ARID5B: variants seen among roughly 807,000 people sequenced by gnomAD.
ARID5B encodes AT-rich interaction domain 5B, also known as AT-rich interactive domain-containing protein 5B.
ARID5B carries 13 observed loss-of-function variants against 97.2 expected under a neutral mutation model. The observed-to-expected ratio is 0.13, with a 90% CI of 0.09 to 0.21. The LOEUF (loss-of-function observed/expected upper bound fraction) is 0.21, where lower values mean the gene tolerates loss of function less well. Among genes scored for constraint, ARID5B ranks in the 10% least tolerant of loss-of-function variants. The pLI, the probability that ARID5B is intolerant of heterozygous loss-of-function variation, is 1.00. For missense variants in ARID5B, 1,210 were observed against 1,465.3 expected, an observed-to-expected ratio of 0.83 and a Z score of 2.84; for synonymous variants, 556 against 570.3, an observed-to-expected ratio of 0.97 and a Z score of 0.36.
At chr10:62,010,635 T>A (rs2132878974) in intron 4 of ARID5B, among the ~76,000 whole-genome samples, 1 of 152,348 alleles carries the variant, frequency 6.6e-6, no homozygotes, top group South Asian at 2.1e-4. Flanking sequence ...ATTTATCTTT[T>A]CAAACCAAAG....
At chr10:62,067,062 A>G (rs1839998969) in intron 7 of ARID5B, among the ~76,000 whole-genome samples, 1 of 149,798 alleles carries the variant, frequency 6.7e-6, no homozygotes, top group African/African-American at 2.5e-5. Context: ...CTTATTTGTG[A>G]CTCGGTGGTG....
intron 8 of ARID5B, among the ~76,000 whole-genome samples, chr10:62,071,013 C>G: frequency 6.9e-6 from 1 of 144,252 alleles, no homozygotes; most frequent in Admixed American, 7.0e-5. Context: ...ACTTATGAGT[C>G]AAGGCTTCAT....
chr10:62,063,327 T>C (rs187146114), intron 7 of ARID5B, among the ~76,000 whole-genome samples: 2 of 152,320 alleles, frequency 1.3e-5, no homozygotes, highest in African/African-American at 4.8e-5. Flanking sequence ...TGTAGATGTA[T>C]TGCTTCTGCG....
intron 2 of ARID5B, among the ~76,000 whole-genome samples, chr10:61,908,950 A>G (rs527762763): frequency 7.9e-5 from 12 of 152,222 alleles, no homozygotes; most frequent in Admixed American, 4.6e-4. Flanking sequence ...ACGAACTGAG[A>G]TCACTATTTA....
At chr10:61,961,559 G>A (rs1017281944) in intron 3 of ARID5B, among the ~76,000 whole-genome samples, 8 of 152,130 alleles carry the variant, frequency 5.3e-5, no homozygotes, top group African/African-American at 1.2e-4. Context: ...ATAACCCACC[G>A]TGCACCTGCC....
Position 62,092,563 on chromosome 10 carries a change from T to G in ARID5B, c.3100T>G (p.Leu1034Val). The change falls in exon 10 of 10, where the codon TTA (leucine) becomes GTA (valine). Residue 1034 changes from leucine to valine, a missense_variant. Coordinates refer to ENST00000279873, the MANE Select transcript of ARID5B (RefSeq NM_032199.3). ...AGKKARAVSP[L>V]DPSKEVSGKE... ...GAAAAAGGCCCGGGCAGTGTCTCCC[T>G]TAGACCCATCCAAGGAGGTCTCTGG... 2 of 1,614,112 alleles carry G rather than the reference T, an allele frequency of 1.2e-6. No homozygotes were observed. The highest frequency in any genetic ancestry group is 1.7e-6 in the Non-Finnish European group (2 of 1,180,020).
At chr10:61,948,374 T>C (rs868347267) in intron 3 of ARID5B, among the ~76,000 whole-genome samples, 42 of 139,412 alleles carry the variant, frequency 3.0e-4, no homozygotes, top group African/African-American at 1.1e-3. Context: ...GGATACACTT[T>C]AGGTAATTTT....
At chr10:62,050,454 C>G (rs1211800126) in intron 4 of ARID5B, among the ~76,000 whole-genome samples, 1 of 152,176 alleles carries the variant, frequency 6.6e-6, no homozygotes, top group Non-Finnish European at 1.5e-5. Flanking sequence ...GAGATGTTTT[C>G]AAACATTTCA....
At chr10:62,071,030 C>CTTTT (rs565983973) in intron 8 of ARID5B, among the ~76,000 whole-genome samples, 6 of 71,142 alleles carry the variant, frequency 8.4e-5, no homozygotes, top group East Asian at 4.5e-4. Context: ...TCATTCAGAA[C>CTTTT]TTTTTTTTTT....
chr10:61,940,048 A>T (rs1844372409), intron 2 of ARID5B, 135 bp from the exon 3 acceptor site: 1 of 688,538 alleles, frequency 1.5e-6, no homozygotes, highest in Non-Finnish European at 2.5e-6. Flanking sequence ...ATTCTGTGTC[A>T]CCAGAATGCA....
chr10:61,917,464 G>C (rs1187686090), intron 2 of ARID5B, among the ~76,000 whole-genome samples: 1 of 152,124 alleles, frequency 6.6e-6, no homozygotes, highest in African/African-American at 2.4e-5. Flanking sequence ...GAGTAGCTGG[G>C]ATTACAGGAA....
intron 4 of ARID5B, among the ~76,000 whole-genome samples, chr10:62,008,157 G>A (rs1205133990): frequency 1.3e-5 from 2 of 150,446 alleles, no homozygotes; most frequent in African/African-American, 4.9e-5. Context: ...TCACAGCCAT[G>A]TGTGCAGGCA....
intron 8 of ARID5B, among the ~76,000 whole-genome samples, chr10:62,076,129 A>G (rs1840129743): frequency 6.6e-6 from 1 of 152,176 alleles, no homozygotes; most frequent in Non-Finnish European, 1.5e-5. Flanking sequence ...TCTTCTCAGT[A>G]TGGCATCCCC....
rs1456259035 is a variant in ARID5B at position 62,092,166 on chromosome 10, G to T, written c.2703G>T (p.Thr901=). 1.9e-6 allele frequency: 3 copies of T among 1,608,972 alleles called. No homozygotes were observed. The highest frequency in any genetic ancestry group is 1.7e-5 in the Admixed American group (1 of 59,104). The part of the protein sequence containing the change: ...DKKSAAAEAP[T]DDQPTDLSLP... ...AGTCGGCGGCAGCAGAAGCCCCTAC[G>T]GATGATCAGCCTACAGATCTGAGCC... The change falls in exon 10 of 10, where the codon ACG becomes ACT. Residue 901 remains threonine, a synonymous_variant. Transcript: ENST00000279873.
At chr10:61,981,043 A>T (rs1167668461) in intron 3 of ARID5B, among the ~76,000 whole-genome samples, 1 of 152,218 alleles carries the variant, frequency 6.6e-6, no homozygotes, top group Non-Finnish European at 1.5e-5. Context: ...GGGCTTTGGA[A>T]TCAGACAGAC....
chr10:61,956,639 T>C (rs1428405554), intron 3 of ARID5B, among the ~76,000 whole-genome samples: 1 of 152,216 alleles, frequency 6.6e-6, no homozygotes, highest in Non-Finnish European at 1.5e-5. Context: ...CTCACATTCC[T>C]TATACAGTGT....
At chr10:62,051,312 C>A (rs1417928754) in intron 5 of ARID5B, among the ~76,000 whole-genome samples, 2 of 152,172 alleles carry the variant, frequency 1.3e-5, no homozygotes, top group Non-Finnish European at 2.9e-5. Context: ...TAGTGGGTGA[C>A]ACAATGACAT....
intron 3 of ARID5B, among the ~76,000 whole-genome samples, chr10:61,961,761 T>C (rs1838474306): frequency 6.6e-6 from 1 of 152,130 alleles, no homozygotes; most frequent in Admixed American, 6.5e-5. Flanking sequence ...TTTCTTTTTT[T>C]TCTGAGATGG....
intron 8 of ARID5B, among the ~76,000 whole-genome samples, chr10:62,076,200 A>G (rs1223927166): frequency 7.5e-6 from 1 of 132,840 alleles, no homozygotes; most frequent in East Asian, 2.2e-4. Flanking sequence ...TATCTAACCC[A>G]TCACAAGATC....
Sources: allele counts gnomAD v4.1 joint callset (sites outside exome capture counted in the v4.1 genomes callset), GRCh38; gene constraint gnomAD v4.1.1; transcripts MANE v1.5; gene names NCBI Gene and HGNC (gene_info 2026-07-23, HGNC 2026-07-21).